The following GPC3 variants were observed in gnomAD, a reference collection of about 807,000 sequenced individuals.
The protein encoded by GPC3 is glypican 3.
A neutral mutation model predicts 34.4 loss-of-function variants in GPC3; 3 were observed. That is an observed-to-expected ratio of 0.09 (90% CI 0.04 to 0.23). The LOEUF is 0.23. GPC3 is among the 10% of genes least tolerant of loss of function. The pLI, the probability that GPC3 is intolerant of heterozygous loss-of-function variation, is 1.00. For synonymous variants in GPC3, 177 were observed against 174.0 expected (o/e 1.02, Z -0.13); for missense variants, 351 against 445.6 (o/e 0.79, Z 1.91).
chrX:133,590,296 T>C (rs2069835028), intron 7 of GPC3, among the ~76,000 whole-genome samples: 1 of 111,198 alleles, frequency 9.0e-6, no homozygotes, highest in Non-Finnish European at 1.9e-5. Context: ...AATTGTTCAG[T>C]CTAAGGTATT....
chrX:133,825,845 C>T (rs970762434), intron 2 of GPC3, among the ~76,000 whole-genome samples: 4 of 111,549 alleles, frequency 3.6e-5, no homozygotes, highest in African/African-American at 1.3e-4. Flanking sequence ...AAAGATGCCC[C>T]AATATACACA....
intron 2 of GPC3, among the ~76,000 whole-genome samples, chrX:133,810,861 C>CAAAAA (rs11433697): frequency 8.2e-5 from 5 of 61,133 alleles, no homozygotes; most frequent in Non-Finnish European, 8.3e-5. Flanking sequence ...GACTCCGTCT[C>CAAAAA]AAAAAAAAAA....
chrX:133,685,534 T>C (rs1002700963), intron 5 of GPC3, among the ~76,000 whole-genome samples: 1 of 110,617 alleles, frequency 9.0e-6, no homozygotes, highest in Admixed American at 9.7e-5. Flanking sequence ...GTCTGGTTAA[T>C]GGAAATAAGA....
chrX:133,797,558 G>A (rs1162107010), intron 2 of GPC3, among the ~76,000 whole-genome samples: 2 of 111,478 alleles, frequency 1.8e-5, no homozygotes, highest in African/African-American at 3.3e-5. Context: ...GGCCAAGTGC[G>A]GTGGCTCCAC....
At chrX:133,692,592 G>C (rs1375888074) in intron 4 of GPC3, 98 bp from the exon 5 acceptor site, 3 of 707,436 alleles carry the variant, frequency 4.2e-6, no homozygotes, top group Non-Finnish European at 6.6e-6. Flanking sequence ...GCTCTGCCAG[G>C]CTGATTAGAG....
intron 2 of GPC3, among the ~76,000 whole-genome samples, chrX:133,854,800 T>G (rs1244103774): frequency 1.8e-5 from 2 of 112,265 alleles, no homozygotes; most frequent in Non-Finnish European, 3.8e-5. Flanking sequence ...CAGGTCCTCT[T>G]ATACACTGCT....
intron 7 of GPC3, among the ~76,000 whole-genome samples, chrX:133,542,569 C>T (rs1366901106): frequency 8.9e-6 from 1 of 112,276 alleles, no homozygotes; most frequent in Admixed American, 9.4e-5. Context: ...GGAGAGAAAA[C>T]GCTACTGCTG....
At chrX:133,804,531 A>G (rs2075626650) in intron 2 of GPC3, among the ~76,000 whole-genome samples, 1 of 110,658 alleles carries the variant, frequency 9.0e-6, no homozygotes, top group East Asian at 2.8e-4. Context: ...AAGCATCTCA[A>G]ATATACCAAG....
At chrX:133,759,103 T>A (rs192891181) in intron 2 of GPC3, among the ~76,000 whole-genome samples, 14 of 111,363 alleles carry the variant, frequency 1.3e-4, no homozygotes, top group Non-Finnish European at 9.4e-5. Flanking sequence ...ACTACAAAAC[T>A]CTGGTAAAAG....
intron 6 of GPC3, among the ~76,000 whole-genome samples, chrX:133,631,584 C>G (rs1442638328): frequency 8.9e-6 from 1 of 111,847 alleles, no homozygotes; most frequent in East Asian, 2.8e-4. Flanking sequence ...GTTCAAATAT[C>G]TCTTGCAGAC....
intron 5 of GPC3, among the ~76,000 whole-genome samples, chrX:133,684,831 G>A (rs891126034): frequency 6.3e-5 from 7 of 110,238 alleles, no homozygotes; most frequent in Admixed American, 5.8e-4. Context: ...AGAATGAGAT[G>A]TGCATGTTTT....
chrX:133,744,605 G>A (rs961909526), intron 3 of GPC3, among the ~76,000 whole-genome samples: 2 of 112,257 alleles, frequency 1.8e-5, no homozygotes, highest in Non-Finnish European at 3.8e-5. Flanking sequence ...ACAGTGTGGC[G>A]ATTCCTCAAG....
At chrX:133,824,059 T>TAA (rs145090566) in intron 2 of GPC3, among the ~76,000 whole-genome samples, 8 of 87,650 alleles carry the variant, frequency 9.1e-5, no homozygotes, top group African/African-American at 2.5e-4. Flanking sequence ...CTAAAAACAC[T>TAA]AAAAAAAAAA....
intron 7 of GPC3, among the ~76,000 whole-genome samples, chrX:133,559,261 C>T (rs763431360): frequency 2.7e-5 from 3 of 111,474 alleles, no homozygotes; most frequent in African/African-American, 6.5e-5. Flanking sequence ...GAGGAACCAG[C>T]GGGCCAGGCA....
At chrX:133,830,691 A>C (rs776685348) in intron 2 of GPC3, among the ~76,000 whole-genome samples, 1,473 of 101,102 alleles carry the variant, frequency 0.015, 52 homozygotes, top group African/African-American at 0.054. Context: ...AAAAAAAAAA[A>C]AAAAAAAAAA....
At chrX:133,715,304 G>A (rs1370919038) in intron 3 of GPC3, among the ~76,000 whole-genome samples, 3 of 112,185 alleles carry the variant, frequency 2.7e-5, no homozygotes, top group Non-Finnish European at 5.6e-5. Flanking sequence ...TTTGGCCACA[G>A]ACTGAAGGCT....
chrX:133,972,889 A>C (rs772575657), intron 1 of GPC3, among the ~76,000 whole-genome samples: 1 of 111,630 alleles, frequency 9.0e-6, no homozygotes, highest in Non-Finnish European at 1.9e-5. Context: ...AAAATGAAGC[A>C]CTGGCAGGAC....
At chrX:133,969,572 C>T (rs1372753488) in intron 1 of GPC3, among the ~76,000 whole-genome samples, 3 of 111,221 alleles carry the variant, frequency 2.7e-5, no homozygotes, top group Admixed American at 9.5e-5. Context: ...ATTTATTCTA[C>T]GTGAATCTGA....
intron 5 of GPC3, 108 bp downstream of exon 5, chrX:133,692,261 A>G (rs758021017): frequency 1.1e-6 from 1 of 885,983 alleles, no homozygotes; most frequent in Non-Finnish European, 1.6e-6. Flanking sequence ...ATTTCTCTAG[A>G]ATTTTTCTGG....
Sources: allele counts gnomAD v4.1 joint callset (sites outside exome capture counted in the v4.1 genomes callset), GRCh38; gene constraint gnomAD v4.1.1; transcripts MANE v1.5; gene names NCBI Gene and HGNC (gene_info 2026-07-23, HGNC 2026-07-21).